Variants in DBT observed in about 807,000 individuals in gnomAD.
The protein encoded by DBT is lipoamide acyltransferase component of branched-chain alpha-keto acid dehydrogenase complex, mitochondrial.
DBT carries 40 observed loss-of-function variants against 51.3 expected under a neutral mutation model. That is an observed-to-expected ratio of 0.78 (90% CI 0.61 to 1.02). DBT has a LOEUF of 1.02. DBT is among the 50% of genes least tolerant of loss of function. DBT has a pLI of 0.00. For missense variants in DBT, 510 were observed against 580.2 expected (o/e 0.88, Z 1.24); for synonymous variants, 181 against 190.4 (o/e 0.95, Z 0.41).
chr1:100,224,890 C>T (rs1040882747), intron 4 of DBT, among the ~76,000 whole-genome samples: 2 of 150,726 alleles, frequency 1.3e-5, no homozygotes, highest in Admixed American at 6.6e-5. Flanking sequence ...TGGTGCACGC[C>T]TGCCTGTAAT....
At position 100,195,453 on chromosome 1, in the gene DBT, A is replaced by G. The variant is rs568325845; in HGVS notation, c.*802T>C. The G allele has an allele frequency of 7.2e-5, 11 of 152,628 alleles. No individual in the cohort carries two copies. In the South Asian group the frequency reaches 1.9e-3, roughly 26 times the overall value. 9.5% of individuals were successfully genotyped at this position (152,628 alleles called of 1,614,324 possible). A position where few individuals can be genotyped will look rare whatever the true frequency, so the allele number is the denominator to read the frequency against. On this transcript the variant is annotated 3_prime_UTR_variant, in exon 11 of 11. Transcript: ENST00000370132. ...GACACTATCAGATGATATTCTCTAT[A>G]CAGAGCAAGAATATACTCTTGGATA... is the stretch of plus-strand genomic sequence containing the variant.
chr1:100,247,370 A>G (rs1476502632), intron 1 of DBT, among the ~76,000 whole-genome samples: 2 of 152,202 alleles, frequency 1.3e-5, no homozygotes, highest in African/African-American at 4.8e-5. Flanking sequence ...AAAAATCATG[A>G]CTAGATTTCT....
chr1:100,237,926 C>A lies in DBT; in HGVS notation c.176-2415G>T, dbSNP rs115048513. 2.9e-3 allele frequency among the ~76,000 whole-genome samples: 436 copies of A among 152,234 alleles called. 3 individuals are homozygous for A. Among genetic ancestry groups the A allele is most frequent in the African/African-American group, 0.01 (420 of 41,544 alleles). On this transcript the variant is annotated intron_variant, in intron 2 of 10. Coordinates refer to ENST00000370132, the MANE Select transcript of DBT (RefSeq NM_001918.5). ...AAAGTGCTGGGATTACAGGTGTGAGCCACTCTGCCCAGCACAGAAGTATGT... is the reference window on the plus strand; with the variant it reads ...AAAGTGCTGGGATTACAGGTGTGAGACACTCTGCCCAGCACAGAAGTATGT...
Position 100,196,167 on chromosome 1 carries a change from T to C in DBT, c.*88A>G, listed in dbSNP as rs113186253. The C allele has an allele frequency of 3.3e-5, 37 of 1,117,036 alleles. 1 individual carries two copies. The highest frequency in any genetic ancestry group is 3.2e-4 in the African/African-American group (21 of 64,720). The allele number at this position is 1,117,036 out of a possible 1,614,324, so 69.2% of individuals were successfully genotyped here. ...CATACGATACAAATCATTTACAATA[T>C]AAATTGTAAAGATGAACATGTGCTG... On this transcript the variant is annotated 3_prime_UTR_variant, in exon 11 of 11. Coordinates refer to ENST00000370132, the MANE Select transcript of DBT (RefSeq NM_001918.5).
At chr1:100,230,659 C>A (rs1477175962) in intron 4 of DBT, 74 bp downstream of exon 4, 14 of 927,772 alleles carry the variant, frequency 1.5e-5, no homozygotes, top group Non-Finnish European at 2.3e-5. Flanking sequence ...ACAAAGATCA[C>A]TTTTAATTGG....
chr1:100,240,008 T>C (rs1209190288), intron 2 of DBT, among the ~76,000 whole-genome samples: 1 of 152,120 alleles, frequency 6.6e-6, no homozygotes, highest in East Asian at 1.9e-4. Context: ...GGGTTCTTTA[T>C]CAGGGTTCTA....
intron 10 of DBT, 108 bp downstream of exon 10, chr1:100,206,122 A>C (rs1190303034): frequency 3.8e-6 from 3 of 792,356 alleles, no homozygotes; most frequent in Non-Finnish European, 4.3e-6. Flanking sequence ...TAAACTCAGA[A>C]ACTTAAAACC....
At chr1:100,243,260 C>CA (rs147918527) in intron 1 of DBT, among the ~76,000 whole-genome samples, 99 of 108,526 alleles carry the variant, frequency 9.1e-4, no homozygotes, top group African/African-American at 2.9e-3. Context: ...ACCTTGTCTC[C>CA]AAAAAAAAAA....
chr1:100,213,191 A>C, intron 7 of DBT: 3 of 507,996 alleles, frequency 5.9e-6, no homozygotes, highest in Non-Finnish European at 9.3e-6. Flanking sequence ...CTGAGAATTA[A>C]GAGATAATGG....
In DBT at chr1:100,216,021, GGAGGTTTT is replaced by G; in HGVS notation, c.726_733del (p.Lys243GlyfsTer35). 3 of 1,611,350 alleles carry G rather than the reference GGAGGTTTT, an allele frequency of 1.9e-6. No homozygotes were observed. Among genetic ancestry groups the G allele is most frequent in the Non-Finnish European group, 2.5e-6 (3 of 1,177,744 alleles). ...TGTTTTGTCTTTGCCTGTGAATACCGGAGGTTTTGATACTAGTATAGGAACAGTCATGT... is the reference window on the plus strand; with the variant it reads ...TGTTTTGTCTTTGCCTGTGAATACCGGATACTAGTATAGGAACAGTCATGT... On this transcript the variant is annotated frameshift_variant, in exon 6 of 11. Coordinates refer to ENST00000370132, the MANE Select transcript of DBT (RefSeq NM_001918.5). LOFTEE classifies it high-confidence loss of function.
chr1:100,196,605 T>TA (rs371886108), intron 10 of DBT, among the ~76,000 whole-genome samples, 183 bp from the exon 11 acceptor site: 5 of 152,320 alleles, frequency 3.3e-5, no homozygotes, highest in African/African-American at 1.2e-4. Flanking sequence ...TTCCCATCTT[T>TA]GAGTATATGC....
chr1:100,247,516 T>A (rs764614946), intron 1 of DBT, among the ~76,000 whole-genome samples: 2 of 151,742 alleles, frequency 1.3e-5, no homozygotes, highest in Non-Finnish European at 2.9e-5. Context: ...CTGGCCAACA[T>A]GGCAAAACCC....
Position 100,216,201 on chromosome 1 carries a change from T to TA in DBT, c.556-3dup. The TA allele has an allele frequency of 1.9e-6, 3 of 1,600,262 alleles. No individual in the cohort carries two copies. Among genetic ancestry groups the TA allele is most frequent in the Non-Finnish European group, 1.7e-6 (2 of 1,167,948 alleles). ...GCCAACAACTTCACTCAGCTTAATC[T>TA]AAAAAATGATATATTTTAATGCCAA... On this transcript the variant is annotated splice_polypyrimidine_tract_variant and splice_region_variant and intron_variant, in intron 5 of 10. Transcript: ENST00000370132.
At position 100,206,438 on chromosome 1, in the gene DBT, TA is replaced by T; in HGVS notation, c.1209+6del. ...AATGGTTTATGTATTTCAACATTATTACTCACTGATCCAATGTTGGAAAGAG... is the reference window on the plus strand; with the variant it reads ...AATGGTTTATGTATTTCAACATTATTCTCACTGATCCAATGTTGGAAAGAG... On this transcript the variant is annotated splice_donor_region_variant and intron_variant, in intron 9 of 10. Coordinates refer to ENST00000370132, the MANE Select transcript of DBT (RefSeq NM_001918.5). 6.2e-7 allele frequency: 1 copy of T among 1,605,980 alleles called. No individual in the cohort carries two copies. Among genetic ancestry groups the T allele is most frequent in the Non-Finnish European group, 8.5e-7 (1 of 1,172,726 alleles).
intron 7 of DBT, among the ~76,000 whole-genome samples, chr1:100,214,150 G>C (rs1006306337): frequency 2.6e-5 from 4 of 152,064 alleles, no homozygotes; most frequent in African/African-American, 9.7e-5. Context: ...TAAGTTGGTT[G>C]AGTAAATGAA....
chr1:100,211,334 C>T (rs1297790034), intron 7 of DBT, among the ~76,000 whole-genome samples: 1 of 152,188 alleles, frequency 6.6e-6, no homozygotes, highest in Non-Finnish European at 1.5e-5. Flanking sequence ...CTGCCTTCTC[C>T]CTTTTGTCAC....
rs575663766 is a variant in DBT at position 100,199,608 on chromosome 1, G to A, written c.1282-3186C>T. Among the ~76,000 whole-genome samples the A allele has an allele frequency of 1.4e-3, 211 of 152,316 alleles. 2 individuals are homozygous for A. The highest frequency in any genetic ancestry group is 2.6e-3 in the Non-Finnish European group (179 of 68,026). On this transcript the variant is annotated intron_variant, in intron 10 of 10. Transcript: ENST00000370132. Reference sequence around the variant, plus strand: ...AATAGGTTTTTGGATTCCCAGGCAAGATGGCAGAACAGGAACAGCTCCGGT... The same window carrying A: ...AATAGGTTTTTGGATTCCCAGGCAAAATGGCAGAACAGGAACAGCTCCGGT...
At chr1:100,208,921 A>AG (rs1239029611) in intron 8 of DBT, among the ~76,000 whole-genome samples, 122 of 150,766 alleles carry the variant, frequency 8.1e-4, no homozygotes, top group African/African-American at 2.8e-3. Flanking sequence ...AAAAAAAAAA[A>AG]AAAAAGAAAA....
At chr1:100,248,773 T>G (rs954119805) in intron 1 of DBT, among the ~76,000 whole-genome samples, 1 of 152,192 alleles carries the variant, frequency 6.6e-6, no homozygotes, top group Non-Finnish European at 1.5e-5. Context: ...TGGTTATCTC[T>G]TACTTATCCT....
Sources: allele counts gnomAD v4.1 joint callset (sites outside exome capture counted in the v4.1 genomes callset), GRCh38; gene constraint gnomAD v4.1.1; transcripts MANE v1.5; gene names NCBI Gene and HGNC (gene_info 2026-07-23, HGNC 2026-07-21).